Variants in SPATA31H1 observed in about 807,000 individuals in gnomAD.
SPATA31H1 encodes the protein SPATA31 subfamily H member 1.
At chr2:27,550,490 C>T in the SPATA31H1 span, among the ~76,000 whole-genome samples, 889 of 143,402 alleles carry the variant, frequency 6.2e-3, 15 homozygotes, top group African/African-American at 0.023. Flanking sequence ...GCAATCTCTG[C>T]TCACTGCAAC....
the SPATA31H1 span, chr2:27,580,486 C>T: frequency 6.2e-7 from 1 of 1,614,132 alleles, no homozygotes; most frequent in Non-Finnish European, 8.5e-7. Flanking sequence ...AAGTTCTACA[C>T]AAACAGTAGA....
the SPATA31H1 span, chr2:27,582,409 C>G: frequency 6.8e-6 from 11 of 1,614,232 alleles, no homozygotes; most frequent in East Asian, 2.5e-4. Flanking sequence ...TACAGTTTCC[C>G]TGGAGAGAGG....
the SPATA31H1 span, chr2:27,570,356 A>G: frequency 2.8e-5 from 11 of 398,898 alleles, no homozygotes; most frequent in African/African-American, 2.1e-4. Context: ...AATCTGAGGA[A>G]GTAAACCTAG....
chr2:27,563,906 A>C, the SPATA31H1 span, among the ~76,000 whole-genome samples: 5 of 151,570 alleles, frequency 3.3e-5, no homozygotes, highest in Admixed American at 3.3e-4. Context: ...TTGTAGAGAC[A>C]GGGTCTCACT....
At chr2:27,568,939 C>A in the SPATA31H1 span, 5 of 398,948 alleles carry the variant, frequency 1.3e-5, no homozygotes, top group Non-Finnish European at 2.2e-5. Context: ...GCCTCAGAAT[C>A]TTTAGAGATG....
At chr2:27,578,002 T>A in the SPATA31H1 span, 11 of 1,614,098 alleles carry the variant, frequency 6.8e-6, no homozygotes, top group Non-Finnish European at 4.2e-6. Context: ...TTTATGAGGA[T>A]TAGTCCAGAG....
At chr2:27,542,915 G>A in the SPATA31H1 span, among the ~76,000 whole-genome samples, 1 of 151,838 alleles carries the variant, frequency 6.6e-6, no homozygotes, top group Non-Finnish European at 1.5e-5. Context: ...TGTCTCTACT[G>A]AAAATACAAA....
At chr2:27,545,025 A>AT in the SPATA31H1 span, among the ~76,000 whole-genome samples, 1,510 of 146,768 alleles carry the variant, frequency 0.01, 32 homozygotes, top group African/African-American at 0.033. Flanking sequence ...AAAAAGTCAA[A>AT]TTTTTTTTTT....
chr2:27,572,073 G>A, the SPATA31H1 span: 4 of 398,318 alleles, frequency 1.0e-5, no homozygotes, highest in East Asian at 1.4e-4. Context: ...AAAATCTGAA[G>A]GTATAAAATC....
chr2:27,543,143 G>A, the SPATA31H1 span, among the ~76,000 whole-genome samples: 6 of 151,948 alleles, frequency 3.9e-5, no homozygotes, highest in Non-Finnish European at 8.8e-5. Flanking sequence ...AGCTAATTGT[G>A]TCACTCTGCT....
the SPATA31H1 span, among the ~76,000 whole-genome samples, chr2:27,545,076 G>A: frequency 1.3e-5 from 2 of 150,668 alleles, no homozygotes; most frequent in African/African-American, 4.9e-5. Context: ...AGGCTGGAGT[G>A]CAATAGCTCA....
chr2:27,542,651 A>ATT, the SPATA31H1 span, among the ~76,000 whole-genome samples: 1 of 151,762 alleles, frequency 6.6e-6, no homozygotes, highest in Non-Finnish European at 1.5e-5. Context: ...GGTCCTTTCC[A>ATT]TTTTTTTCTC....
At chr2:27,582,337 G>GGAGGAACCATTGCAGTCCCTCTGA in the SPATA31H1 span, 1 of 1,608,312 alleles carries the variant, frequency 6.2e-7, no homozygotes, top group East Asian at 2.3e-5. Context: ...AGGCCCTCTG[G>GGAGGAACCATTGCAGTCCCTCTGA]GAGGAACCAT....
chr2:27,546,608 C>T, the SPATA31H1 span, among the ~76,000 whole-genome samples: 14 of 152,050 alleles, frequency 9.2e-5, no homozygotes, highest in African/African-American at 3.4e-4. Flanking sequence ...TTACAGCTCA[C>T]TGCAGCCTCA....
chr2:27,549,301 G>A, the SPATA31H1 span, among the ~76,000 whole-genome samples: 2 of 151,736 alleles, frequency 1.3e-5, no homozygotes, highest in South Asian at 4.2e-4. Flanking sequence ...ATAATGTCTG[G>A]TTTGGTGTGG....
At chr2:27,578,806 G>C in the SPATA31H1 span, 1 of 1,614,150 alleles carries the variant, frequency 6.2e-7, no homozygotes, top group South Asian at 1.1e-5. Context: ...AGCTCTGTCA[G>C]AACAGCATCT....
At chr2:27,561,079 C>T in the SPATA31H1 span, among the ~76,000 whole-genome samples, 85 of 152,260 alleles carry the variant, frequency 5.6e-4, no homozygotes, top group Admixed American at 4.2e-3. Flanking sequence ...CACAGTGGCT[C>T]ATGCACTTCA....
the SPATA31H1 span, chr2:27,574,342 T>C: frequency 2.5e-6 from 1 of 398,384 alleles, no homozygotes; most frequent in Non-Finnish European, 4.4e-6. Context: ...CTTCAGGGTG[T>C]GAAATCGGTA....
the SPATA31H1 span, chr2:27,582,261 T>C: frequency 3.1e-6 from 5 of 1,614,018 alleles, no homozygotes; most frequent in South Asian, 5.5e-5. Flanking sequence ...AGGGAGGACC[T>C]CTGAGAGGAG....
Sources: gnomAD v4.1 joint callset for allele counts (sites outside exome capture counted in the v4.1 genomes callset) on GRCh38, gnomAD v4.1.1 for gene constraint, MANE v1.5 for transcripts, NCBI Gene and HGNC (gene_info 2026-07-23, HGNC 2026-07-21) for gene names.